TNNT2: variants seen among roughly 807,000 people sequenced by gnomAD.
TNNT2 encodes the protein troponin T2, cardiac type.
A neutral mutation model predicts 62.4 loss-of-function variants in TNNT2; 34 were observed. The ratio of observed to expected loss-of-function variants is 0.54; its 90% CI spans 0.41 to 0.72. TNNT2 has a LOEUF of 0.72. Among genes scored for constraint, TNNT2 ranks in the 30% least tolerant of loss-of-function variants. The probability of loss-of-function intolerance (pLI) is 0.00; values close to 1 mark genes in which losing one functional copy is unlikely to be tolerated. For missense variants in TNNT2, 275 were observed against 381.9 expected, an observed-to-expected ratio of 0.72 and a Z score of 2.33; for synonymous variants, 123 against 127.2, an observed-to-expected ratio of 0.97 and a Z score of 0.22.
At chr1:201,363,626 G>C in intron 11 of TNNT2, 1 of 556,054 alleles carries the variant, frequency 1.8e-6, no homozygotes, top group South Asian at 2.0e-5. Context: ...CAAATGTGAG[G>C]TCTCGTCATC....
At chr1:201,376,993 C>T (rs932657623) in intron 1 of TNNT2, among the ~76,000 whole-genome samples, 1 of 152,216 alleles carries the variant, frequency 6.6e-6, no homozygotes, top group Non-Finnish European at 1.5e-5. Flanking sequence ...GGGAATGGCA[C>T]TGAGTCAGCG....
intron 15 of TNNT2, chr1:201,360,519 C>T (rs1257740744): frequency 2.0e-5 from 3 of 153,146 alleles, no homozygotes; most frequent in African/African-American, 7.2e-5. Context: ...CTCCAAAGTC[C>T]ATGCCACTGT....
chr1:201,366,930 C>A (rs1659764968), intron 7 of TNNT2, 59 bp from the exon 8 acceptor site: 1 of 1,613,720 alleles, frequency 6.2e-7, no homozygotes, highest in African/African-American at 1.3e-5. Flanking sequence ...GGTCCCAACT[C>A]CGCCCTCGAT....
intron 7 of TNNT2, 34 bp from the exon 8 acceptor site, chr1:201,366,905 G>C (rs756629620): frequency 6.2e-7 from 1 of 1,613,692 alleles, no homozygotes; most frequent in Non-Finnish European, 8.5e-7. Flanking sequence ...CCATGGGTCA[G>C]GGGGCCCCAG....
intron 1 of TNNT2, chr1:201,375,207 G>C (rs1387234923): frequency 2.0e-5 from 3 of 152,374 alleles, no homozygotes; most frequent in Non-Finnish European, 4.4e-5. Flanking sequence ...CATTCCAAGG[G>C]AGCTGCCACT....
chr1:201,366,529 G>A, intron 8 of TNNT2: 12 of 1,264,118 alleles, frequency 9.5e-6, no homozygotes, highest in Non-Finnish European at 1.2e-5. Flanking sequence ...CTCGGCCATG[G>A]AGGAGGGTGT....
chr1:201,361,691 G>A (rs996289914), intron 14 of TNNT2, among the ~76,000 whole-genome samples: 2 of 152,272 alleles, frequency 1.3e-5, no homozygotes, highest in Non-Finnish European at 2.9e-5. Context: ...GTGAAGCTCA[G>A]AGGGGTGGGG....
chr1:201,369,273 C>A, intron 5 of TNNT2: 1 of 472,360 alleles, frequency 2.1e-6, no homozygotes, highest in Non-Finnish European at 4.4e-6. Context: ...TGGTCTCACT[C>A]CCTTGCCTTG....
At chr1:201,365,583 C>T (rs1245058997) in intron 9 of TNNT2, 27 bp downstream of exon 9, 1 of 1,611,128 alleles carries the variant, frequency 6.2e-7, no homozygotes, top group Non-Finnish European at 8.5e-7. Context: ...CCAGCCCAGG[C>T]CTACTCAACC....
intron 4 of TNNT2, among the ~76,000 whole-genome samples, chr1:201,370,325 C>T (rs756705992): frequency 5.3e-5 from 8 of 152,188 alleles, no homozygotes; most frequent in Non-Finnish European, 1.2e-4. Context: ...GGGTATCCTG[C>T]AAACTATGTC....
intron 5 of TNNT2, chr1:201,369,328 A>G (rs764137699): frequency 1.3e-5 from 6 of 472,686 alleles, no homozygotes; most frequent in South Asian, 9.3e-5. Flanking sequence ...GGCTGACGTC[A>G]TGTCCTTCCT....
chr1:201,373,455 T>C (rs1660958157), intron 1 of TNNT2, 187 bp from the exon 2 acceptor site: 2 of 640,992 alleles, frequency 3.1e-6, no homozygotes, highest in Non-Finnish European at 5.6e-6. Flanking sequence ...GACACCCACA[T>C]GGCAGCAAGG....
intron 1 of TNNT2, chr1:201,373,988 G>A (rs190667990): frequency 8.1e-4 from 126 of 154,946 alleles, no homozygotes; most frequent in Admixed American, 5.6e-4. Context: ...AGCACACAGC[G>A]GGGATCCTTG....
At position 201,359,200 on chromosome 1, in the gene TNNT2, A is replaced by C. The variant is rs1658117572; in HGVS notation, c.*10T>G. 1 of 1,608,242 alleles carries C rather than the reference A, an allele frequency of 6.2e-7. No homozygotes were observed. The highest frequency in any genetic ancestry group is 1.1e-5 in the South Asian group (1 of 89,080). ...GCGAGGAGCAGATCTTTGGTGAAGG[A>C]GGCCAGGCTCTATTTCCAGCGCCCG... is the stretch of plus-strand genomic sequence containing the variant. On this transcript the variant is annotated 3_prime_UTR_variant, in exon 17 of 17. Transcript: ENST00000656932.
chr1:201,377,025 T>A (rs902676469), intron 1 of TNNT2, among the ~76,000 whole-genome samples: 1 of 152,214 alleles, frequency 6.6e-6, no homozygotes, highest in Non-Finnish European at 1.5e-5. Flanking sequence ...AATTCCCGCG[T>A]TGGCCTGGAG....
intron 5 of TNNT2, 121 bp downstream of exon 5, chr1:201,369,695 C>A (rs1660303760): frequency 4.1e-6 from 5 of 1,208,822 alleles, no homozygotes; most frequent in Admixed American, 3.4e-5. Flanking sequence ...AAACGACTGA[C>A]CCACTCCGTC....
At chr1:201,373,412 AAGCCTGTTTTCTCCCCTGCTGGGGG>A in intron 1 of TNNT2, 144 bp from the exon 2 acceptor site, 1 of 753,906 alleles carries the variant, frequency 1.3e-6, no homozygotes, top group African/African-American at 1.7e-5. Context: ...CTGCAACAAA[AAGCCTGTTTTCTCCCCTGCTGGGGG>A]AGATAGTGAC....
rs781024179 is a variant in TNNT2 at position 201,366,849 on chromosome 1, T to C, written c.222A>G (p.Lys74=). ...GCCTCCCCACTCACCTGGGCTTTGGTTTGGACTCCTCCATTGGGCCATCTG... is the reference window on the plus strand; with the variant it reads ...GCCTCCCCACTCACCTGGGCTTTGGCTTGGACTCCTCCATTGGGCCATCTG... ...EAEDGPMEES[K]PKPRSFMPNL... is the part of the protein sequence containing the mutation. The change falls in exon 8 of 17, where the codon AAA becomes AAG. Residue 74 remains lysine (K), a synonymous_variant. Transcript: ENST00000656932. 5.6e-6 allele frequency: 9 copies of C among 1,613,882 alleles called. No homozygotes were observed. The highest frequency in any genetic ancestry group is 1.3e-5 in the African/African-American group (1 of 74,886).
At chr1:201,367,194 G>A (rs1659822775) in intron 7 of TNNT2, 1 of 477,596 alleles carries the variant, frequency 2.1e-6, no homozygotes, top group Non-Finnish European at 3.8e-6. Flanking sequence ...AAGGCCTTTG[G>A]AAAGGTCCCC....
Sources: allele counts gnomAD v4.1 joint callset (sites outside exome capture counted in the v4.1 genomes callset), GRCh38; gene constraint gnomAD v4.1.1; transcripts MANE v1.5; gene names NCBI Gene and HGNC (gene_info 2026-07-23, HGNC 2026-07-21).